The following SCAF4 variants were observed in gnomAD, a reference collection of about 807,000 sequenced individuals.
SCAF4 encodes the protein SR-related and CTD-associated factor 4.
In SCAF4, 25 loss-of-function variants were observed where a neutral mutation model predicts 129.8. The ratio of observed to expected loss-of-function variants is 0.19; its 90% CI spans 0.14 to 0.27. SCAF4 has a LOEUF of 0.27. SCAF4 is among the 10% of genes least tolerant of loss of function. The probability of loss-of-function intolerance (pLI) is 1.00; values close to 1 mark genes in which losing one functional copy is unlikely to be tolerated. For missense variants in SCAF4, 1,246 were observed against 1,457.1 expected (o/e 0.86, Z 2.36); for synonymous variants, 551 against 497.7 (o/e 1.11, Z -1.43).
At chr21:31,686,735 A>G (rs11088183) in intron 16 of SCAF4, among the ~76,000 whole-genome samples, 74,906 of 151,950 alleles carry the variant, frequency 0.49, 19,074 homozygotes, top group East Asian at 0.84. Flanking sequence ...GATCAGCGGC[A>G]GCATTAGATT....
chr21:31,685,019 G>C, intron 19 of SCAF4, 30 bp downstream of exon 19: 1 of 1,286,528 alleles, frequency 7.8e-7, no homozygotes, highest in Non-Finnish European at 1.1e-6. Context: ...GTGGGGCAAG[G>C]AAAACTAATG....
At chr21:31,680,372 A>G (rs2049968314) in intron 19 of SCAF4, among the ~76,000 whole-genome samples, 1 of 152,228 alleles carries the variant, frequency 6.6e-6, no homozygotes, top group South Asian at 2.1e-4. Context: ...ACTGTATCCA[A>G]TGAACAAGGT....
At chr21:31,704,014 TATCC>T in intron 3 of SCAF4, 88 bp from the exon 4 acceptor site, 1 of 764,548 alleles carries the variant, frequency 1.3e-6, no homozygotes, top group Non-Finnish European at 2.0e-6. Flanking sequence ...AACTTTTATA[TATCC>T]ATCCAATGAT....
intron 4 of SCAF4, 34 bp from the exon 5 acceptor site, chr21:31,702,413 A>G: frequency 6.3e-7 from 1 of 1,593,080 alleles, no homozygotes; most frequent in South Asian, 1.1e-5. Flanking sequence ...TATACAATAA[A>G]TATTTGCATA....
In SCAF4 at chr21:31,692,467, A is replaced by G. The variant is rs1407336799; in HGVS notation, c.1514-18T>C. 5 of 1,541,872 alleles carry G rather than the reference A, an allele frequency of 3.2e-6. No homozygotes were observed. Among genetic ancestry groups the G allele is most frequent in the Non-Finnish European group, 2.7e-6 (3 of 1,115,398 alleles). On this transcript the variant is annotated intron_variant, in intron 12 of 19. Coordinates refer to ENST00000286835, the MANE Select transcript of SCAF4 (RefSeq NM_020706.2). ...ACTGCAAACTTAAAATAAAATTACA[A>G]TCATAAAGAGATTCACATTTGATAA...
rs2050511302 is a variant in SCAF4 at position 31,700,833 on chromosome 21, A to G, written c.777+162T>C. 1.4e-5 allele frequency: 12 copies of G among 860,194 alleles called. No homozygotes were observed. The East Asian group carries it at 3.1e-4, about 22-fold the overall frequency. 53.3% of individuals were successfully genotyped at this position (860,194 alleles called of 1,614,324 possible). ...TTGCACTGAGCACATATCACATTTA[A>G]AACCAGGGAAAATAATCGATGTTTT... is the stretch of plus-strand genomic sequence containing the variant. On this transcript the variant is annotated intron_variant, in intron 7 of 19. Transcript: ENST00000286835.
At position 31,731,643 on chromosome 21, in the gene SCAF4, C is replaced by T; in HGVS notation, c.30+20G>A. On this transcript the variant is annotated intron_variant, in intron 1 of 19. Transcript: ENST00000286835. ...CTCCCGCAGCAGGCCCGGCACCCCC[C>T]TGCCCCAAACACCCCTTACCTCCTG... is the stretch of plus-strand genomic sequence containing the variant. The T allele has an allele frequency of 1.3e-6, 2 of 1,589,704 alleles. No homozygotes were observed. Among genetic ancestry groups the T allele is most frequent in the Admixed American group, 1.7e-5 (1 of 58,846 alleles).
chr21:31,689,797 C>T (rs1313767959), intron 15 of SCAF4, among the ~76,000 whole-genome samples: 7 of 151,124 alleles, frequency 4.6e-5, no homozygotes, highest in South Asian at 4.2e-4. Flanking sequence ...TAGCATGGCA[C>T]GGTGGCACGC....
chr21:31,723,369 C>A (rs2051118224), intron 1 of SCAF4, among the ~76,000 whole-genome samples: 1 of 151,964 alleles, frequency 6.6e-6, no homozygotes. Context: ...AGGAGAATTG[C>A]TTGAACCCAG....
In SCAF4 at chr21:31,686,342, T is replaced by A. The variant is rs531872186; in HGVS notation, c.2044-609A>T. Among the ~76,000 whole-genome samples the A allele has an allele frequency of 3.5e-3, 537 of 152,096 alleles. 4 individuals are homozygous for A. Among genetic ancestry groups the A allele is most frequent in the African/African-American group, 0.012 (515 of 41,494 alleles). On this transcript the variant is annotated intron_variant, in intron 16 of 19. Coordinates refer to ENST00000286835, the MANE Select transcript of SCAF4 (RefSeq NM_020706.2). ...TGACATCATGTAATACATTTTAAAA[T>A]GTTCCATGGTCCTTTCAGCAACACA...
At chr21:31,717,841 A>ATATATATATATATATG (rs1368659249) in intron 1 of SCAF4, among the ~76,000 whole-genome samples, 3 of 83,298 alleles carry the variant, frequency 3.6e-5, no homozygotes, top group African/African-American at 1.3e-4. Flanking sequence ...ATATATATAT[A>ATATATATATATATATG]TACACACACA....
In SCAF4 at chr21:31,671,534, T is replaced by C; in HGVS notation, c.3309A>G (p.Val1103=). 1 of 1,614,202 alleles carries C rather than the reference T, an allele frequency of 6.2e-7. No individual in the cohort carries two copies. The highest frequency in any genetic ancestry group is 8.5e-7 in the Non-Finnish European group (1 of 1,180,006). ...CCTTCTCAAGTTCTGAAGCAGTGTC[T>C]ACATTTCCCACTTGGCTAATGGGAG... ...VEPPISQVGN[V]DTASELEKGV... is the part of the protein sequence containing the mutation. Residue 1103 remains valine (V), a synonymous_variant, in exon 20 of 20, where the codon GTA becomes GTG. Coordinates refer to ENST00000286835, the MANE Select transcript of SCAF4 (RefSeq NM_020706.2).
intron 19 of SCAF4, among the ~76,000 whole-genome samples, chr21:31,679,027 C>T (rs1291463948): frequency 1.3e-5 from 2 of 152,120 alleles, no homozygotes; most frequent in African/African-American, 2.4e-5. Flanking sequence ...GATGACCAAA[C>T]TCATCAAGGA....
intron 1 of SCAF4, among the ~76,000 whole-genome samples, chr21:31,716,307 A>C (rs569676531): frequency 8.1e-4 from 123 of 152,274 alleles, no homozygotes; most frequent in African/African-American, 2.8e-3. Context: ...ATGACAAAGC[A>C]ATTTTCCCTT....
intron 1 of SCAF4, among the ~76,000 whole-genome samples, chr21:31,711,096 C>T (rs1319571751): frequency 6.6e-6 from 1 of 152,152 alleles, no homozygotes; most frequent in African/African-American, 2.4e-5. Context: ...AGGCATGTGC[C>T]ACCCCACCAG....
At chr21:31,727,389 T>TGTGTTTTAAAAAAATCTGCTCTGGATG (rs2051232702) in intron 1 of SCAF4, among the ~76,000 whole-genome samples, 1 of 152,190 alleles carries the variant, frequency 6.6e-6, no homozygotes. Context: ...ATTTTTGTAC[T>TGTGTTTTAAAAAAATCTGCTCTGGATG]TCAAATGTCT....
In SCAF4 at chr21:31,690,952, A is replaced by C; in HGVS notation, c.1730T>G (p.Ile577Ser). 6.2e-7 allele frequency: 1 copy of C among 1,604,018 alleles called. No homozygotes were observed. The highest frequency in any genetic ancestry group is 8.5e-7 in the Non-Finnish European group (1 of 1,176,122). Residue 577 changes from isoleucine to serine, a missense_variant and splice_region_variant, in exon 15 of 20, where the codon ATT becomes AGT. Ile to Ser is a moderately radical substitution (Grantham distance 142, BLOSUM62 -2). Coordinates refer to ENST00000286835, the MANE Select transcript of SCAF4 (RefSeq NM_020706.2). ...TATTCCTTTGTTTAAGGCCCAGGCA[A>C]TCTATTTCACCATTAGTGAAAATAT... ...NYKVNQKSIK[I>S]AWALNKGIKA...
intron 1 of SCAF4, among the ~76,000 whole-genome samples, chr21:31,719,581 C>T (rs1332067116): frequency 6.6e-6 from 1 of 152,006 alleles, no homozygotes; most frequent in Non-Finnish European, 1.5e-5. Flanking sequence ...CTCAGCGCAC[C>T]ACAACCTCCG....
chr21:31,694,784 G>C (rs756185176), intron 10 of SCAF4, 29 bp downstream of exon 10: 6 of 1,609,250 alleles, frequency 3.7e-6, no homozygotes, highest in South Asian at 2.2e-5. Context: ...AACAAAAAAA[G>C]ATAAAACTAT....
Sources: allele counts gnomAD v4.1 joint callset (sites outside exome capture counted in the v4.1 genomes callset), GRCh38; gene constraint gnomAD v4.1.1; transcripts MANE v1.5; gene names NCBI Gene and HGNC (gene_info 2026-07-23, HGNC 2026-07-21).